Variants in OGG1 observed in about 807,000 individuals in gnomAD.
OGG1 encodes the protein 8-oxoguanine DNA glycosylase.
In OGG1, 35 loss-of-function variants were observed where a neutral mutation model predicts 42.3. That is an observed-to-expected ratio of 0.83 (90% CI 0.63 to 1.10). OGG1 has a LOEUF of 1.10. OGG1 is among the 50% of genes least tolerant of loss of function. The probability of loss-of-function intolerance (pLI) is 0.00; values close to 1 mark genes in which losing one functional copy is unlikely to be tolerated. For synonymous variants in OGG1, 189 were observed against 179.0 expected (o/e 1.06, Z -0.44); for missense variants, 484 against 446.7 (o/e 1.08, Z -0.75).
rs2077226936 is a variant in OGG1 at position 9,750,160 on chromosome 3, T to A, written c.-127T>A. 1.1e-5 allele frequency: 14 copies of A among 1,219,614 alleles called. No individual in the cohort carries two copies. In the Admixed American group the frequency reaches 3.2e-4, roughly 28 times the overall value. 75.5% of individuals were successfully genotyped at this position (1,219,614 alleles called of 1,614,324 possible). On this transcript the variant is annotated 5_prime_UTR_variant, in exon 1 of 7. The change creates a new upstream start codon in the 5' untranslated region. Coordinates refer to ENST00000344629, the MANE Select transcript of OGG1 (RefSeq NM_002542.6). ...GAGGAATTAAGTGAAACAGGGAAGG[T>A]TGTTAAACAGCACCGTGTGGGCGAG...
At chr3:9,772,584 C>T (rs2078315054) in intron 2 of OGG1, among the ~76,000 whole-genome samples, 1 of 152,146 alleles carries the variant, frequency 6.6e-6, no homozygotes, top group Admixed American at 6.5e-5. Context: ...CCCAGCTTTC[C>T]AATTAAACAC....
At chr3:9,766,929 C>G (rs1223266929), downstream of OGG1, among the ~76,000 whole-genome samples, 1 of 152,152 alleles carries the variant, frequency 6.6e-6, no homozygotes, top group Admixed American at 6.5e-5. Context: ...TCCAGCCTCC[C>G]TGGCCTGGCT....
At chr3:9,760,970 C>T (rs1217337512), downstream of OGG1, 1 of 715,910 alleles carries the variant, frequency 1.4e-6, no homozygotes, top group Non-Finnish European at 2.2e-6. Context: ...TTGCCCTCCT[C>T]AGGGCCTTTG....
chr3:9,788,949 A>T (rs1374694319), downstream of OGG1, among the ~76,000 whole-genome samples: 1 of 142,192 alleles, frequency 7.0e-6, no homozygotes, highest in Non-Finnish European at 1.5e-5. Context: ...GATCCTCCTG[A>T]CTCAGCCTCC....
At chr3:9,761,828 C>A, downstream of OGG1, 1 of 1,572,014 alleles carries the variant, frequency 6.4e-7, no homozygotes, top group Non-Finnish European at 8.6e-7. Flanking sequence ...TCTGCCGCTC[C>A]AAGCACCTTC....
At position 9,750,410 on chromosome 3, in the gene OGG1, G is replaced by A; in HGVS notation, c.124G>A (p.Gly42Arg). ...GCGCCTGGACCTGGTTCTGCCTTCT[G>A]GACAATCTTTCCGGTGAGTGACTGA... ...ELRLDLVLPSGQSFRWREQSP... is the reference protein window; with the variant it reads ...ELRLDLVLPSRQSFRWREQSP... Residue 42 changes from glycine (G) to arginine (R), a missense_variant, in exon 1 of 7, where the codon GGA (glycine) becomes AGA (arginine). By Grantham distance (125) the Gly-to-Arg change is moderately radical. Transcript: ENST00000344629. 3 of 1,613,980 alleles carry A rather than the reference G, an allele frequency of 1.9e-6. No individual in the cohort carries two copies. Among genetic ancestry groups the A allele is most frequent in the Non-Finnish European group, 2.5e-6 (3 of 1,180,030 alleles).
chr3:9,760,489 G>A, downstream of OGG1: 1 of 616,700 alleles, frequency 1.6e-6, no homozygotes, highest in South Asian at 1.9e-5. Context: ...GCAGAAGGAA[G>A]TACCCAAGCA....
chr3:9,787,763 G>A, exon 4 of OGG1: 4 of 1,236,624 alleles, frequency 3.2e-6, no homozygotes, highest in Non-Finnish European at 4.3e-6. Flanking sequence ...TGAAGTGAAA[G>A]AGAGAGATCA....
rs777816154 is a variant in OGG1, at chr3:9,786,989, T to C, written c.383-739T>C. 1.2e-5 allele frequency: 19 copies of C among 1,604,172 alleles called. No individual in the cohort carries two copies. The South Asian group carries it at 2.1e-4, about 18-fold the overall frequency. The stretch of plus-strand genomic sequence containing the variant: ...CACAAAGTAAATATGGTTCCTCTTT[T>C]GGGTTAGGCTGCTCACCTCCACCAG... On this transcript the variant is annotated intron_variant, in intron 3 of 3. Coordinates refer to the OGG1 transcript ENST00000426518.
At chr3:9,762,254 C>T (rs769110227), downstream of OGG1, 3 of 153,812 alleles carry the variant, frequency 2.0e-5, no homozygotes, top group African/African-American at 7.2e-5. Flanking sequence ...AATGTGAGCC[C>T]CGTCGCTATT....
downstream of OGG1, chr3:9,761,523 C>T: frequency 4.3e-6 from 7 of 1,613,586 alleles, no homozygotes; most frequent in Non-Finnish European, 5.1e-6. Flanking sequence ...GCTTCTGGGC[C>T]AGGACTTCAG....
chr3:9,755,779 C>T (rs919099420), intron 4 of OGG1, among the ~76,000 whole-genome samples: 36 of 151,936 alleles, frequency 2.4e-4, no homozygotes, highest in Non-Finnish European at 1.0e-4. Flanking sequence ...CTTTATACTT[C>T]TCTGTAGTTT....
Position 9,754,032 on chromosome 3 carries a change from A to G in OGG1, c.566-672A>G, listed in dbSNP as rs145094886. Reference sequence around the variant, plus strand: ...CACAAGCCTGTAGTCTCAGCTACTCAGGAGGCTGAGGTGGGAGGATCGCTT... The same window carrying G: ...CACAAGCCTGTAGTCTCAGCTACTCGGGAGGCTGAGGTGGGAGGATCGCTT... On this transcript the variant is annotated intron_variant, in intron 3 of 6. Coordinates refer to ENST00000344629, the MANE Select transcript of OGG1 (RefSeq NM_002542.6). 4.3e-4 allele frequency among the ~76,000 whole-genome samples: 65 copies of G among 152,240 alleles called. 2 individuals are homozygous for G. The East Asian group carries it at 7.6e-3, about 18-fold the overall frequency.
At chr3:9,772,559 A>C (rs1321137772) in intron 2 of OGG1, among the ~76,000 whole-genome samples, 1 of 152,164 alleles carries the variant, frequency 6.6e-6, no homozygotes, top group Non-Finnish European at 1.5e-5. Context: ...GGCAGGAAAC[A>C]TGGAGTGAGG....
At chr3:9,770,970 C>G (rs746455672), downstream of OGG1, among the ~76,000 whole-genome samples, 13 of 152,076 alleles carry the variant, frequency 8.5e-5, no homozygotes, top group Non-Finnish European at 1.6e-4. Context: ...TTATGCCCAG[C>G]TCATTTCCTT....
intron 2 of OGG1, chr3:9,780,657 A>C (rs2078438177): frequency 8.5e-7 from 1 of 1,181,910 alleles, no homozygotes. Context: ...ATGCCTGTGG[A>C]TTGTGTCATA....
downstream of OGG1, chr3:9,760,768 C>G (rs2077822575): frequency 1.2e-6 from 2 of 1,613,968 alleles, no homozygotes; most frequent in Non-Finnish European, 1.7e-6. Flanking sequence ...AACCGCAGAG[C>G]CTGGGCAGGG....
intron 7 of OGG1, chr3:9,765,689 A>T (rs1410135712): frequency 6.5e-7 from 1 of 1,545,430 alleles, no homozygotes; most frequent in Admixed American, 1.8e-5. Flanking sequence ...TGTCCAAAGC[A>T]GGAAAGGAGG....
chr3:9,757,418 A>T (rs180919378), downstream of OGG1: 645 of 1,609,004 alleles, frequency 4.0e-4, 3 homozygotes, highest in Admixed American at 2.8e-3. The surrounding 1 kb of genome is among the most constrained non-coding windows in gnomAD (Gnocchi z 4.5). Flanking sequence ...TGCAGTGAGG[A>T]GTGGTAGGGA....
Sources: gnomAD v4.1 joint callset for allele counts (sites outside exome capture counted in the v4.1 genomes callset) on GRCh38, gnomAD v4.1.1 for gene constraint, Gnocchi (gnomAD v3.1) non-coding constraint, MANE v1.5 for transcripts, NCBI Gene and HGNC (gene_info 2026-07-23, HGNC 2026-07-21) for gene names.